MCM3AP: variants seen among roughly 807,000 people sequenced by gnomAD.
The protein encoded by MCM3AP is germinal-center associated nuclear protein.
A neutral mutation model predicts 184.1 loss-of-function variants in MCM3AP; 126 were observed. The observed-to-expected ratio is 0.68, with a 90% CI of 0.59 to 0.79. The LOEUF (loss-of-function observed/expected upper bound fraction) is 0.79, where lower values mean the gene tolerates loss of function less well. Ranked by LOEUF, MCM3AP falls within the 30% of genes least tolerant of loss-of-function variation. The pLI, the probability that MCM3AP is intolerant of heterozygous loss-of-function variation, is 0.00. For synonymous variants in MCM3AP, 1,002 were observed against 979.3 expected (o/e 1.02, Z -0.43); for missense variants, 2,496 against 2,479.2 (o/e 1.01, Z -0.14).
rs761888837 is a variant in MCM3AP at position 46,246,666 on chromosome 21, C to T, written c.4511G>A (p.Ser1504Asn). The T allele has an allele frequency of 6.2e-7, 1 of 1,613,820 alleles. No homozygotes were observed. Among genetic ancestry groups the T allele is most frequent in the South Asian group, 1.1e-5 (1 of 91,082 alleles). ...CTTCTCAACGGCGTCCCCTCCTGGGCTAGGCACAAGAACCACCAGAGGAAG... is the reference window on the plus strand; with the variant it reads ...CTTCTCAACGGCGTCCCCTCCTGGGTTAGGCACAAGAACCACCAGAGGAAG... ...PALPLVVLVPSPGGDAVEKEV... is the reference protein window; with the variant it reads ...PALPLVVLVPNPGGDAVEKEV... Residue 1504 changes from serine (S) to asparagine (N), a missense_variant, in exon 21 of 28, where the codon AGC becomes AAC. By Grantham distance (46) the Ser-to-Asn change is conservative (BLOSUM62 1). This residue lies in a region of MCM3AP where 1,323 missense variants were observed against 1,273.4 expected (regional missense o/e 1.04). Transcript: ENST00000291688.
intron 10 of MCM3AP, 185 bp from the exon 11 acceptor site, chr21:46,266,351 TA>T (rs2081112241): frequency 1.8e-6 from 1 of 556,092 alleles, no homozygotes; most frequent in Non-Finnish European, 3.1e-6. Flanking sequence ...CTAGAACCAC[TA>T]AGCCCAGCGT....
chr21:46,240,886 C>T lies in MCM3AP; in HGVS notation c.5558G>A (p.Arg1853Gln), dbSNP rs377487407. The stretch of plus-strand genomic sequence containing the variant: ...CAAGAGCTCCTCAGCAGAAGCTCCT[C>T]GCATCAGATCCTCTGTGCTGGGAAT... ...GRIPSTEDLM[R>Q]GASAEELLAQ... Residue 1853 changes from arginine to glutamine, a missense_variant, in exon 26 of 28, where the codon CGA becomes CAA. Coordinates refer to ENST00000291688, the MANE Select transcript of MCM3AP (RefSeq NM_003906.5). The T allele has an allele frequency of 8.1e-6, 13 of 1,614,092 alleles. No homozygotes were observed. In the African/African-American group the frequency reaches 9.3e-5, roughly 12 times the overall value.
At chr21:46,283,204 C>T (rs185864237) in intron 2 of MCM3AP, among the ~76,000 whole-genome samples, 3 of 152,310 alleles carry the variant, frequency 2.0e-5, no homozygotes, top group Admixed American at 1.3e-4. Flanking sequence ...GGACTACAAG[C>T]GTAAGCCACC....
intron 4 of MCM3AP, among the ~76,000 whole-genome samples, chr21:46,279,149 G>A (rs977143597): frequency 2.6e-5 from 4 of 152,108 alleles, no homozygotes; most frequent in Non-Finnish European, 4.4e-5. Flanking sequence ...TTAGCTGGGC[G>A]TGGTGGAGCG....
intron 9 of MCM3AP, chr21:46,267,358 C>A: frequency 1.8e-6 from 1 of 552,866 alleles, no homozygotes; most frequent in Non-Finnish European, 3.2e-6. Flanking sequence ...AGCAAACACT[C>A]TCATAGAGAA....
intron 24 of MCM3AP, 58 bp from the exon 25 acceptor site, chr21:46,242,989 A>AG: frequency 7.0e-7 from 1 of 1,422,130 alleles, no homozygotes; most frequent in Non-Finnish European, 9.4e-7. Context: ...CTGTCTCAAA[A>AG]AAAAAAAAAA....
In MCM3AP at chr21:46,259,181, C is replaced by T. The variant is rs979274708; in HGVS notation, c.3582-90G>A. 8.8e-6 allele frequency: 12 copies of T among 1,366,576 alleles called. No individual in the cohort carries two copies. In the African/African-American group the frequency reaches 1.0e-4, roughly 12 times the overall value. The allele number at this position is 1,366,576 out of a possible 1,614,324, so 84.7% of individuals were successfully genotyped here. A position where few individuals can be genotyped will look rare whatever the true frequency, so the allele number is the denominator to read the frequency against. ...TTGAAAAGTGCAAGAGTCAGTCAGG[C>T]GCGGTGGCTCACGCCTGTAATCCCA... On this transcript the variant is annotated intron_variant, in intron 15 of 27. Transcript: ENST00000291688.
chr21:46,269,884 G>C (rs2081158959), intron 9 of MCM3AP, among the ~76,000 whole-genome samples: 1 of 152,146 alleles, frequency 6.6e-6, no homozygotes, highest in South Asian at 2.1e-4. Context: ...CAAAATAACC[G>C]ACTGGAAACC....
At position 46,277,649 on chromosome 21, in the gene MCM3AP, G is replaced by A. The variant is rs1325111166; in HGVS notation, c.1736C>T (p.Ser579Phe). 1.2e-6 allele frequency: 2 copies of A among 1,611,178 alleles called. No individual in the cohort carries two copies. The highest frequency in any genetic ancestry group is 2.7e-5 in the African/African-American group (2 of 74,788). ...TGGCCCGAGGCCCTCGGAGCCCTCGGAGGCTGAGTCAAAAGAGTCTCCCTC... is the reference window on the plus strand; with the variant it reads ...TGGCCCGAGGCCCTCGGAGCCCTCGAAGGCTGAGTCAAAAGAGTCTCCCTC... Reference protein sequence around the residue: ...QFEGDSFDSASEGSEGLGPCV... With the variant: ...QFEGDSFDSAFEGSEGLGPCV... Residue 579 changes from serine (S) to phenylalanine (F), a missense_variant, in exon 5 of 28, where the codon TCC becomes TTC. Transcript: ENST00000291688.
intron 26 of MCM3AP, 120 bp from the exon 27 acceptor site, chr21:46,237,099 A>ATT: frequency 9.2e-6 from 3 of 325,296 alleles, no homozygotes; most frequent in Non-Finnish European, 9.5e-6. Context: ...AATTTTATAT[A>ATT]ATTTTTTTTT....
At chr21:46,237,011 T>G (rs749341366) in intron 26 of MCM3AP, 32 bp from the exon 27 acceptor site, 9 of 1,403,876 alleles carry the variant, frequency 6.4e-6, no homozygotes. Flanking sequence ...TCAAAAATAT[T>G]TGAGCATTAG....
chr21:46,236,981 T>A lies in MCM3AP; in HGVS notation c.5634-2A>T. On this transcript the variant is annotated splice_acceptor_variant, in intron 26 of 27. Transcript: ENST00000291688. LOFTEE classifies it high-confidence loss of function. ...CATTGCTGAAGCTGATCTTCAAACC[T>A]GAAACAATATGTAATAAATTCAAAA... 6.7e-7 allele frequency: 1 copy of A among 1,503,068 alleles called. No homozygotes were observed. The highest frequency in any genetic ancestry group is 1.4e-5 in the South Asian group (1 of 71,152). 93.1% of individuals were successfully genotyped at this position (1,503,068 alleles called of 1,614,324 possible). A position where few individuals can be genotyped will look rare whatever the true frequency, so the allele number is the denominator to read the frequency against.
chr21:46,241,207 G>T, intron 25 of MCM3AP, 190 bp from the exon 26 acceptor site: 1 of 592,600 alleles, frequency 1.7e-6, no homozygotes, highest in East Asian at 2.8e-5. Context: ...TCAGGGAGTG[G>T]AGCAAAGAGG....
intron 24 of MCM3AP, 85 bp downstream of exon 24, chr21:46,243,380 A>C (rs1011197793): frequency 1.4e-6 from 2 of 1,459,534 alleles, no homozygotes; most frequent in Non-Finnish European, 1.8e-6. Context: ...AAAAGCAGCA[A>C]CATCAACTAA....
At chr21:46,266,849 G>A (rs889982085) in intron 10 of MCM3AP, 133 bp downstream of exon 10, 57 of 950,786 alleles carry the variant, frequency 6.0e-5, no homozygotes, top group African/African-American at 2.5e-4. Flanking sequence ...TCTGAGTCTC[G>A]TGTGTTCACC....
At chr21:46,261,022 G>A in intron 14 of MCM3AP, 116 bp from the exon 15 acceptor site, 1 of 894,242 alleles carries the variant, frequency 1.1e-6, no homozygotes, top group Non-Finnish European at 1.8e-6. Flanking sequence ...GAGTCGGTAG[G>A]CCACCCCTAC....
Position 46,285,180 on chromosome 21 carries a change from G to A in MCM3AP, c.107C>T (p.Pro36Leu). ...PSKPPFRFGQ[P>L]SLFGQNSTLS... is the part of the protein sequence containing the mutation. ...GGTACTGTTTTGTCCAAAAAGAGAAGGTTGACCAAATCGAAATGGCGGCTT... is the reference window on the plus strand; with the variant it reads ...GGTACTGTTTTGTCCAAAAAGAGAAAGTTGACCAAATCGAAATGGCGGCTT... The change falls in exon 1 of 28, where the codon CCT (proline) becomes CTT (leucine). Residue 36 changes from proline to leucine, a missense_variant. By Grantham distance (98) the Pro-to-Leu change is moderately conservative. Transcript: ENST00000291688. 6.2e-7 allele frequency: 1 copy of A among 1,614,170 alleles called. No homozygotes were observed. Among genetic ancestry groups the A allele is most frequent in the African/African-American group, 1.3e-5 (1 of 75,068 alleles).
chr21:46,243,056 T>A, intron 24 of MCM3AP, 125 bp from the exon 25 acceptor site: 1 of 870,996 alleles, frequency 1.1e-6, no homozygotes, highest in Non-Finnish European at 1.7e-6. Context: ...ACAGGTGGCA[T>A]GTGCTTAAAT....
In MCM3AP at chr21:46,266,236, G is replaced by A. The variant is rs2081110747; in HGVS notation, c.2790-70C>T. On this transcript the variant is annotated intron_variant, in intron 10 of 27. Transcript: ENST00000291688. Reference sequence around the variant, plus strand: ...AAGACAGCTTCGCCCTCAGTGCCCTGCCGAGTACTGCAAGCCCCTTGGGTG... The same window carrying A: ...AAGACAGCTTCGCCCTCAGTGCCCTACCGAGTACTGCAAGCCCCTTGGGTG... 2.0e-6 allele frequency: 3 copies of A among 1,498,800 alleles called. No individual in the cohort carries two copies. In the South Asian group the frequency reaches 4.1e-5, roughly 20 times the overall value. The allele number at this position is 1,498,800 out of a possible 1,614,324, so 92.8% of individuals were successfully genotyped here.
Sources: gnomAD v4.1 joint callset for allele counts (sites outside exome capture counted in the v4.1 genomes callset) on GRCh38, gnomAD v4.1.1 for gene constraint, gnomAD v4.1.1 regional missense constraint, MANE v1.5 for transcripts, NCBI Gene and HGNC (gene_info 2026-07-23, HGNC 2026-07-21) for gene names.